AGMO: variants seen among roughly 807,000 people sequenced by gnomAD.
AGMO encodes the protein alkylglycerol monooxygenase, also known as glyceryl-ether monooxygenase.
Under a neutral mutation model 60.2 loss-of-function variants are expected in AGMO, and 75 were observed. The ratio of observed to expected loss-of-function variants is 1.25; its 90% confidence interval spans 1.03 to 1.51. The LOEUF (loss-of-function observed/expected upper bound fraction) is 1.51, where lower values mean the gene tolerates loss of function less well. AGMO is among the 40% of genes most tolerant of loss of function. The pLI, the probability that AGMO is intolerant of heterozygous loss-of-function variation, is 0.00. For missense variants in AGMO, 763 were observed against 525.5 expected (o/e 1.45, Z -4.42); for synonymous variants, 261 against 177.1 (o/e 1.47, Z -3.76).
intron 2 of AGMO, among the ~76,000 whole-genome samples, chr7:15,551,950 T>C (rs1014149957): frequency 6.9e-4 from 105 of 151,660 alleles, no homozygotes; most frequent in African/African-American, 2.2e-3. Context: ...CAAAACAGCA[T>C]GGTACTGGTA....
chr7:15,544,836 C>T lies in AGMO; in HGVS notation c.345G>A (p.Trp115Ter). 1 of 1,610,542 alleles carries T rather than the reference C, an allele frequency of 6.2e-7. No individual in the cohort carries two copies. Among genetic ancestry groups the T allele is most frequent in the Non-Finnish European group, 8.5e-7 (1 of 1,178,116 alleles). The change falls in exon 3 of 13, where the codon TGG (tryptophan) becomes TGA (stop). Residue 115 changes from tryptophan (W) to a stop codon, truncating the protein, a stop_gained. Coordinates refer to ENST00000342526, the MANE Select transcript of AGMO (RefSeq NM_001004320.2). LOFTEE classifies it high-confidence loss of function. ...CTCCTAAGAAGGCTGAATACCAAGT[C>T]CATGGAGAATCCCAAGGCAAATTGA... ...RLFNLPWDSP[W>*]TWYSAFLGVD...
At chr7:15,291,195 A>G (rs1784253999) in intron 12 of AGMO, among the ~76,000 whole-genome samples, 1 of 152,218 alleles carries the variant, frequency 6.6e-6, no homozygotes. Context: ...TCTTTTTAAA[A>G]TTAAAATGTT....
At chr7:15,144,175 G>C in the AGMO span, among the ~76,000 whole-genome samples, 1 of 151,918 alleles carries the variant, frequency 6.6e-6, no homozygotes, top group African/African-American at 2.4e-5. Flanking sequence ...AGATTCTGTG[G>C]GTTTTTTTTC....
intron 12 of AGMO, among the ~76,000 whole-genome samples, chr7:15,335,365 A>C (rs1459063816): frequency 1.3e-5 from 2 of 152,166 alleles, no homozygotes; most frequent in Non-Finnish European, 2.9e-5. Flanking sequence ...TTTTTGATCT[A>C]ATTAAGTTCA....
chr7:15,419,986 G>T (rs904421659), intron 4 of AGMO, among the ~76,000 whole-genome samples: 2 of 151,936 alleles, frequency 1.3e-5, no homozygotes, highest in African/African-American at 4.8e-5. Flanking sequence ...AAACATATAT[G>T]GCCTATGATA....
chr7:15,531,347 CTATAT>C (rs1562557048), intron 3 of AGMO, among the ~76,000 whole-genome samples: 1 of 51,246 alleles, frequency 2.0e-5, no homozygotes, highest in Non-Finnish European at 3.3e-5. Flanking sequence ...TATATATATT[CTATAT>C]ATATTCTATA....
intron 12 of AGMO, among the ~76,000 whole-genome samples, chr7:15,304,099 C>T (rs73284561): frequency 0.044 from 6,722 of 152,200 alleles, 519 homozygotes; most frequent in African/African-American, 0.15. Flanking sequence ...TTATGCAATG[C>T]TTGACGGCAT....
chr7:15,372,668 A>G (rs1783266421), intron 10 of AGMO, among the ~76,000 whole-genome samples: 1 of 152,172 alleles, frequency 6.6e-6, no homozygotes, highest in African/African-American at 2.4e-5. Context: ...TTTGAAGACT[A>G]TAAATATTTA....
chr7:15,397,345 G>A (rs539608885), intron 5 of AGMO, among the ~76,000 whole-genome samples: 4 of 151,826 alleles, frequency 2.6e-5, no homozygotes, highest in African/African-American at 9.6e-5. Context: ...GAGCCGGCCC[G>A]CGAGCGCCTC....
At chr7:15,220,756 T>C (rs780901627) in intron 12 of AGMO, among the ~76,000 whole-genome samples, 1 of 152,042 alleles carries the variant, frequency 6.6e-6, no homozygotes, top group African/African-American at 2.4e-5. Context: ...GAACTGGAAA[T>C]TGGCTAATAA....
intron 3 of AGMO, among the ~76,000 whole-genome samples, chr7:15,443,870 T>G (rs1474807476): frequency 6.6e-6 from 1 of 152,232 alleles, no homozygotes; most frequent in Non-Finnish European, 1.5e-5. Context: ...CTCAGCATTT[T>G]CATGGTCCCC....
rs555964355 is a variant in AGMO, at chr7:15,414,077, G to A, written c.609+4481C>T. 1.3e-4 allele frequency among the ~76,000 whole-genome samples: 20 copies of A among 151,532 alleles called. No homozygotes were observed. The South Asian group carries it at 2.1e-3, about 16-fold the overall frequency. ...GGCTGGAGTGCAGTGGTGTGATCTC[G>A]GTTCACTGCAAGCTCCGCCTCCCAG... is the stretch of plus-strand genomic sequence containing the variant. On this transcript the variant is annotated intron_variant, in intron 5 of 12. Transcript: ENST00000342526.
chr7:15,346,446 G>A (rs1206142796), intron 12 of AGMO, among the ~76,000 whole-genome samples: 1 of 151,720 alleles, frequency 6.6e-6, no homozygotes, highest in African/African-American at 2.4e-5. Flanking sequence ...TTTGTGCTTA[G>A]GATTTAATTG....
At chr7:15,415,111 T>C (rs904349376) in intron 5 of AGMO, among the ~76,000 whole-genome samples, 6 of 152,190 alleles carry the variant, frequency 3.9e-5, no homozygotes, top group East Asian at 1.9e-4. Flanking sequence ...AAAAAAATAG[T>C]GAACTTCAAA....
At chr7:15,136,345 A>G in the AGMO span, among the ~76,000 whole-genome samples, 1,089 of 152,140 alleles carry the variant, frequency 7.2e-3, 22 homozygotes, top group African/African-American at 0.025. Context: ...AAGCTCCCTT[A>G]CCCTTTCTTG....
At chr7:15,260,101 A>C (rs1238056212) in intron 12 of AGMO, among the ~76,000 whole-genome samples, 1 of 151,648 alleles carries the variant, frequency 6.6e-6, no homozygotes, top group Non-Finnish European at 1.5e-5. Flanking sequence ...ATTAAAATTG[A>C]ATTTAAATGG....
intron 3 of AGMO, among the ~76,000 whole-genome samples, chr7:15,432,762 T>G (rs2128498963): frequency 6.6e-6 from 1 of 152,086 alleles, no homozygotes; most frequent in Non-Finnish European, 1.5e-5. Context: ...AAAAGAGAAC[T>G]ACTTCACCAT....
At chr7:15,400,820 C>A (rs926168401) in intron 5 of AGMO, among the ~76,000 whole-genome samples, 1 of 152,118 alleles carries the variant, frequency 6.6e-6, no homozygotes, top group Non-Finnish European at 1.5e-5. Flanking sequence ...CAAGTGAATA[C>A]CATAAATTAT....
intron 3 of AGMO, among the ~76,000 whole-genome samples, chr7:15,512,348 G>A (rs1783697760): frequency 6.6e-6 from 1 of 152,098 alleles, no homozygotes; most frequent in Admixed American, 6.6e-5. Context: ...ACCTCCCAGG[G>A]CTCAAGTGAT....
Sources: gnomAD v4.1 joint callset for allele counts (sites outside exome capture counted in the v4.1 genomes callset) on GRCh38, gnomAD v4.1.1 for gene constraint, MANE v1.5 for transcripts, NCBI Gene and HGNC (gene_info 2026-07-23, HGNC 2026-07-21) for gene names.